The following TMEM106C variants were observed in gnomAD, a reference collection of about 807,000 sequenced individuals.
TMEM106C encodes the protein endoplasmic reticulum membrane protein overexpressed in cancer.
A neutral mutation model predicts 30.8 loss-of-function variants in TMEM106C; 27 were observed. That is an observed-to-expected ratio of 0.88 (90% CI 0.65 to 1.21). The LOEUF (loss-of-function observed/expected upper bound fraction) is 1.21. TMEM106C is among the 50% of genes most tolerant of loss of function. TMEM106C has a pLI of 0.00. For missense variants in TMEM106C, 288 were observed against 307.8 expected (o/e 0.94, Z 0.48); for synonymous variants, 123 against 118.8 (o/e 1.04, Z -0.23).
At chr12:47,967,979 G>C (rs1042044916) in intron 7 of TMEM106C, among the ~76,000 whole-genome samples, 154 bp from the exon 8 acceptor site, 1 of 152,174 alleles carries the variant, frequency 6.6e-6, no homozygotes, top group Non-Finnish European at 1.5e-5. Flanking sequence ...AAAGTGGAAA[G>C]ATCTTCTGGC....
intron 4 of TMEM106C, 35 bp from the exon 5 acceptor site, chr12:47,966,054 C>A (rs1938211362): frequency 6.2e-7 from 1 of 1,614,078 alleles, no homozygotes; most frequent in Admixed American, 1.7e-5. Context: ...GGACCCAGGA[C>A]ACTTACACTT....
Position 47,963,711 on chromosome 12 carries a change from G to A in TMEM106C, c.-29+7G>A, listed in dbSNP as rs986949009. 1 of 156,462 alleles carries A rather than the reference G, an allele frequency of 6.4e-6. No individual in the cohort carries two copies. Among genetic ancestry groups the A allele is most frequent in the Non-Finnish European group, 1.4e-5 (1 of 70,710 alleles). The allele number at this position is 156,462 out of a possible 1,614,324, so 9.7% of individuals were successfully genotyped here. On this transcript the variant is annotated splice_region_variant and intron_variant, in intron 1 of 7. Coordinates refer to ENST00000429772, the MANE Select transcript of TMEM106C (RefSeq NM_001143842.2). ...GGGAGTTCGTGCCCTGCAGGTCTGC[G>A]ACGCTGGCGTTCGCTCCTGCCTGGG...
intron 7 of TMEM106C, 97 bp from the exon 8 acceptor site, chr12:47,968,036 A>G (rs1007712968): frequency 2.4e-6 from 2 of 827,150 alleles, no homozygotes. Context: ...GCCCGTGGGT[A>G]TTGTTCTCTG....
intron 6 of TMEM106C, 129 bp from the exon 7 acceptor site, chr12:47,967,079 C>T (rs2136484826): frequency 2.2e-6 from 2 of 913,892 alleles, no homozygotes; most frequent in Non-Finnish European, 3.5e-6. Flanking sequence ...TGAGAGCTGA[C>T]AAGCCTTGGC....
At position 47,968,750 on chromosome 12, in the gene TMEM106C, C is replaced by CTTT. The variant is rs59253051; in HGVS notation, c.*532_*534dup. Reference sequence around the variant, plus strand: ...GAAAAGAAAGAAAAAAGTGTGTTGGCTTTTTTTTTTTTTAGAAAGTTAGAA... The same window carrying CTTT: ...GAAAAGAAAGAAAAAAGTGTGTTGGCTTTTTTTTTTTTTTTTAGAAAGTTAGAA... On this transcript the variant is annotated 3_prime_UTR_variant, in exon 8 of 8. Transcript: ENST00000429772. 3.6e-4 allele frequency: 54 copies of CTTT among 150,216 alleles called. No homozygotes were observed. Among genetic ancestry groups the CTTT allele is most frequent in the Admixed American group, 1.0e-3 (16 of 15,424 alleles). 9.3% of individuals were successfully genotyped at this position (150,216 alleles called of 1,614,324 possible).
chr12:47,965,433 C>A, intron 3 of TMEM106C, 88 bp downstream of exon 3: 1 of 1,217,904 alleles, frequency 8.2e-7, no homozygotes, highest in Non-Finnish European at 1.2e-6. Context: ...TCTTTGAAAA[C>A]TACACATGTT....
At chr12:47,966,455 G>T in intron 5 of TMEM106C, 1 of 697,112 alleles carries the variant, frequency 1.4e-6, no homozygotes, top group South Asian at 2.0e-5. Context: ...ACAAAGATTT[G>T]CTACAAAATA....
chr12:47,966,700 G>A lies in TMEM106C; in HGVS notation c.570G>A (p.Lys190=). Residue 190 remains lysine, a synonymous_variant, in exon 6 of 8, where the codon AAG becomes AAA. Transcript: ENST00000429772. ...ATTTTCAGGTGAATTTTACCGGGAAGGCCGAGATGGGAGGACCGTTTTCCT... is the reference window on the plus strand; with the variant it reads ...ATTTTCAGGTGAATTTTACCGGGAAAGCCGAGATGGGAGGACCGTTTTCCT... ...RSEQLVNFTG[K]AEMGGPFSYV... 6.2e-7 allele frequency: 1 copy of A among 1,614,176 alleles called. No homozygotes were observed. Among genetic ancestry groups the A allele is most frequent in the Non-Finnish European group, 8.5e-7 (1 of 1,180,034 alleles).
rs1938338771 is a variant in TMEM106C at position 47,968,839 on chromosome 12, T to C, written c.*610T>C. ...CTTCATCCATTGGCTGGAACATGGA[T>C]TGGGGATTTGATAGAAAAATAAACC... is the stretch of plus-strand genomic sequence containing the variant. On this transcript the variant is annotated 3_prime_UTR_variant, in exon 8 of 8. Coordinates refer to ENST00000429772, the MANE Select transcript of TMEM106C (RefSeq NM_001143842.2). 1 of 157,236 alleles carries C rather than the reference T, an allele frequency of 6.4e-6. No homozygotes were observed. The highest frequency in any genetic ancestry group is 1.4e-5 in the Non-Finnish European group (1 of 71,454). 9.7% of individuals were successfully genotyped at this position (157,236 alleles called of 1,614,324 possible). A position where few individuals can be genotyped will look rare whatever the true frequency, so the allele number is the denominator to read the frequency against.
chr12:47,964,326 G>T lies in TMEM106C; in HGVS notation c.90G>T (p.Glu30Asp), dbSNP rs1938149260. 6.2e-7 allele frequency: 1 copy of T among 1,614,198 alleles called. No homozygotes were observed. Among genetic ancestry groups the T allele is most frequent in the Non-Finnish European group, 8.5e-7 (1 of 1,180,032 alleles). Reference sequence around the variant, plus strand: ...GGGACGGTTTGCTGGCTGAACGAGAGCAGGAAGAAGCCATTGCTCAGTTCC... The same window carrying T: ...GGGACGGTTTGCTGGCTGAACGAGATCAGGAAGAAGCCATTGCTCAGTTCC... Reference protein sequence around the residue: ...DDRDGLLAEREQEEAIAQFPY... With the variant: ...DDRDGLLAERDQEEAIAQFPY... Residue 30 changes from glutamate (E) to aspartate (D), a missense_variant, in exon 2 of 8, where the codon GAG becomes GAT. Physicochemically the swap from Glu to Asp is conservative, Grantham distance 45. Transcript: ENST00000429772.
chr12:47,965,414 C>A, intron 3 of TMEM106C, 69 bp downstream of exon 3: 1 of 1,354,464 alleles, frequency 7.4e-7, no homozygotes, highest in Non-Finnish European at 1.0e-6. Flanking sequence ...TGTATGAATG[C>A]CAGTTAATTC....
intron 5 of TMEM106C, 115 bp downstream of exon 5, chr12:47,966,344 A>G: frequency 3.2e-6 from 4 of 1,264,420 alleles, no homozygotes; most frequent in Non-Finnish European, 1.1e-6. Flanking sequence ...ACTTGTAGGA[A>G]CTGGTGATGA....
rs764574547 is a variant in TMEM106C at position 47,965,784 on chromosome 12, A to G, written c.252-54A>G. 606 of 1,602,912 alleles carry G rather than the reference A, an allele frequency of 3.8e-4. 2 individuals carry two copies. The Middle Eastern group carries it at 7.6e-3, about 20-fold the overall frequency. On this transcript the variant is annotated intron_variant, in intron 3 of 7. Transcript: ENST00000429772. Reference sequence around the variant, plus strand: ...CTGGTTTTGTGTTTAATCTTGACACATTGAACCTTGATATCTGACTGCCTG... The same window carrying G: ...CTGGTTTTGTGTTTAATCTTGACACGTTGAACCTTGATATCTGACTGCCTG...
chr12:47,965,508 A>G (rs905891838), intron 3 of TMEM106C, 163 bp downstream of exon 3: 1 of 691,914 alleles, frequency 1.4e-6, no homozygotes, highest in East Asian at 2.7e-5. Flanking sequence ...CCCCATCACA[A>G]TCTGGGGAAA....
intron 1 of TMEM106C, 90 bp from the exon 2 acceptor site, chr12:47,964,119 T>G: frequency 6.1e-6 from 7 of 1,152,984 alleles, no homozygotes; most frequent in Non-Finnish European, 7.4e-6. Flanking sequence ...CAACTTGTCA[T>G]TTTTGCGTTT....
intron 7 of TMEM106C, among the ~76,000 whole-genome samples, 186 bp from the exon 8 acceptor site, chr12:47,967,947 C>T (rs1938294093): frequency 6.6e-6 from 1 of 152,124 alleles, no homozygotes; most frequent in South Asian, 2.1e-4. Flanking sequence ...GGAAGGCCAC[C>T]TCCTGGCACA....
intron 2 of TMEM106C, 150 bp from the exon 3 acceptor site, chr12:47,965,132 T>G: frequency 1.6e-6 from 1 of 634,146 alleles, no homozygotes; most frequent in Non-Finnish European, 2.8e-6. Flanking sequence ...TCTTGTTTCT[T>G]GTTCATTAGA....
At chr12:47,966,978 C>T (rs897753965) in intron 6 of TMEM106C, 14 of 637,876 alleles carry the variant, frequency 2.2e-5, no homozygotes, top group African/African-American at 3.7e-5. Context: ...CCACTAAAAA[C>T]GTTACCAAGC....
chr12:47,966,058 TAC>T lies in TMEM106C; in HGVS notation c.412-28_412-27del, dbSNP rs774339177. ...CTGCCAGGCTGGGACCCAGGACACTTACACTTGTTTCCTGACTTGCCCTGATG... is the reference window on the plus strand; with the variant it reads ...CTGCCAGGCTGGGACCCAGGACACTTACTTGTTTCCTGACTTGCCCTGATG... On this transcript the variant is annotated intron_variant, in intron 4 of 7. Transcript: ENST00000429772. 198 of 1,614,230 alleles carry T rather than the reference TAC, an allele frequency of 1.2e-4. 1 individual carries two copies. The South Asian group carries it at 2.1e-3, about 17-fold the overall frequency.
Sources: allele counts gnomAD v4.1 joint callset (sites outside exome capture counted in the v4.1 genomes callset), GRCh38; gene constraint gnomAD v4.1.1; transcripts MANE v1.5; gene names NCBI Gene and HGNC (gene_info 2026-07-23, HGNC 2026-07-21).